The following IKZF1 variants were observed in gnomAD, a reference collection of about 807,000 sequenced individuals.
IKZF1 encodes IKAROS family zinc finger 1.
Under a neutral mutation model 51.7 loss-of-function variants are expected in IKZF1, and 10 were observed. The observed-to-expected ratio is 0.19, with a 90% CI of 0.12 to 0.33. The LOEUF (loss-of-function observed/expected upper bound fraction) is 0.33, where lower values mean the gene tolerates loss of function less well. Ranked by LOEUF, IKZF1 falls within the 10% of genes least tolerant of loss-of-function variation. The probability of loss-of-function intolerance (pLI) is 1.00; values close to 1 mark genes in which losing one functional copy is unlikely to be tolerated. For missense variants in IKZF1, 484 were observed against 707.5 expected (o/e 0.68, Z 3.58); for synonymous variants, 280 against 282.3 (o/e 0.99, Z 0.08).
intron 3 of IKZF1, among the ~76,000 whole-genome samples, chr7:50,348,686 A>G (rs1233100848): frequency 1.3e-5 from 2 of 152,246 alleles, no homozygotes; most frequent in African/African-American, 4.8e-5. Context: ...GAAGATGGAC[A>G]TAGTAAAAAA....
intron 3 of IKZF1, among the ~76,000 whole-genome samples, chr7:50,343,839 GC>G (rs1465216069): frequency 1.3e-5 from 2 of 152,154 alleles, no homozygotes; most frequent in Non-Finnish European, 2.9e-5. Context: ...CCAAGCACTT[GC>G]TTTTGTATAT....
chr7:50,333,783 A>G (rs979630598), intron 3 of IKZF1, among the ~76,000 whole-genome samples: 11 of 152,202 alleles, frequency 7.2e-5, no homozygotes, highest in African/African-American at 2.2e-4. Flanking sequence ...TTCATAGTTG[A>G]ATTATTGTTC....
At chr7:50,320,769 C>T (rs1350933195) in intron 2 of IKZF1, among the ~76,000 whole-genome samples, 1 of 152,152 alleles carries the variant, frequency 6.6e-6, no homozygotes, top group East Asian at 1.9e-4. Flanking sequence ...TTGTGATTAT[C>T]TATATAAACA....
At chr7:50,338,680 G>A (rs1049493195) in intron 3 of IKZF1, among the ~76,000 whole-genome samples, 87 of 152,286 alleles carry the variant, frequency 5.7e-4, no homozygotes, top group African/African-American at 1.9e-3. Flanking sequence ...ACATTGCCCC[G>A]GAAAGTTTCC....
At position 50,400,656 on chromosome 7, in the gene IKZF1, C is replaced by G. The variant is rs917278416; in HGVS notation, c.*29C>G. On this transcript the variant is annotated 3_prime_UTR_variant, in exon 8 of 8. Transcript: ENST00000331340. The surrounding 1 kb of genome is among the most constrained non-coding windows in gnomAD (Gnocchi z 5.4). ...CCTCCCGCGCCCCCACCCCAGACCC[C>G]GAGCCACCCCAGGAAAAGCACAAGG... The G allele has an allele frequency of 3.2e-6, 5 of 1,577,556 alleles. No homozygotes were observed. Among genetic ancestry groups the G allele is most frequent in the Non-Finnish European group, 3.4e-6 (4 of 1,168,298 alleles).
At chr7:50,396,099 C>CTT (rs952880505) in intron 7 of IKZF1, among the ~76,000 whole-genome samples, 1 of 151,850 alleles carries the variant, frequency 6.6e-6, no homozygotes, top group East Asian at 1.9e-4. Context: ...TAGAGAGTCC[C>CTT]TTTTTTTTCT....
rs760724988 is a variant in IKZF1, at chr7:50,391,914, T to G, written c.850+51T>G. 4.0e-5 allele frequency: 62 copies of G among 1,560,832 alleles called. No individual in the cohort carries two copies. The East Asian group carries it at 1.4e-3, about 35-fold the overall frequency. ...TTAAAAAAAAACTATGTGGGTGTTT[T>G]AGATGCAAGTAGAAATGAGTTGAGG... On this transcript the variant is annotated intron_variant, in intron 7 of 7. Transcript: ENST00000331340.
chr7:50,375,386 T>G (rs936595422), intron 3 of IKZF1, among the ~76,000 whole-genome samples: 15 of 152,060 alleles, frequency 9.9e-5, no homozygotes, highest in African/African-American at 3.4e-4. Context: ...AAAAGAAACA[T>G]TTAGTCTTGA....
intron 7 of IKZF1, 43 bp from the exon 8 acceptor site, chr7:50,399,875 C>A: frequency 6.4e-7 from 1 of 1,571,752 alleles, no homozygotes; most frequent in Non-Finnish European, 8.6e-7. Context: ...TGACCGGTTC[C>A]GGAGGTGGCC....
chr7:50,366,645 T>C (rs1388535030), intron 3 of IKZF1, among the ~76,000 whole-genome samples: 1 of 152,246 alleles, frequency 6.6e-6, no homozygotes, highest in Non-Finnish European at 1.5e-5. Context: ...AGTGCTTTGT[T>C]GTTTAGTCAG....
rs1414050519 is a variant in IKZF1, at chr7:50,404,342, C to T, written c.*3715C>T. ...TAAATTATTGCTGTTTAGCTGTGAA[C>T]AAGGGATGTACCACTGGAGGAATAG... is the stretch of plus-strand genomic sequence containing the variant. On this transcript the variant is annotated 3_prime_UTR_variant, in exon 8 of 8. Coordinates refer to ENST00000331340, the MANE Select transcript of IKZF1 (RefSeq NM_006060.6). 8.9e-6 allele frequency: 2 copies of T among 225,072 alleles called. No individual in the cohort carries two copies. Among genetic ancestry groups the T allele is most frequent in the East Asian group, 1.3e-4 (2 of 15,602 alleles). 13.9% of individuals were successfully genotyped at this position (225,072 alleles called of 1,614,324 possible).
intron 3 of IKZF1, among the ~76,000 whole-genome samples, chr7:50,335,238 TGTGTG>T (rs1296931854): frequency 6.8e-6 from 1 of 147,182 alleles, no homozygotes. Flanking sequence ...GTGTGTGAGA[TGTGTG>T]GTGTGTATAT....
chr7:50,397,791 T>C (rs902677614), intron 7 of IKZF1, among the ~76,000 whole-genome samples: 1 of 152,180 alleles, frequency 6.6e-6, no homozygotes, highest in Non-Finnish European at 1.5e-5. Flanking sequence ...ACTTCTTTGG[T>C]CCCTACCATC....
intron 3 of IKZF1, chr7:50,367,672 G>C (rs1184449328): frequency 4.6e-6 from 1 of 215,688 alleles, no homozygotes; most frequent in Non-Finnish European, 9.2e-6. Context: ...GCGAGGAGCC[G>C]AGTGTTTGGA....
rs1818040964 is a variant in IKZF1, at chr7:50,401,111, GC to G, written c.*486del. On this transcript the variant is annotated 3_prime_UTR_variant, in exon 8 of 8. Coordinates refer to ENST00000331340, the MANE Select transcript of IKZF1 (RefSeq NM_006060.6). ...GCAGGTGAGCAGACAGGACAGGTGT[GC>G]CGCCACCCAAGTGCCAAGACACAGC... 1 of 255,088 alleles carries G rather than the reference GC, an allele frequency of 3.9e-6. No homozygotes were observed. Among genetic ancestry groups the G allele is most frequent in the African/African-American group, 2.2e-5 (1 of 45,428 alleles). The allele number at this position is 255,088 out of a possible 1,614,324, so 15.8% of individuals were successfully genotyped here.
intron 3 of IKZF1, among the ~76,000 whole-genome samples, chr7:50,335,298 G>A (rs1797399561): frequency 6.7e-6 from 1 of 148,994 alleles, no homozygotes; most frequent in African/African-American, 2.5e-5. Context: ...TTGTGTATGT[G>A]TATGGGATGT....
At chr7:50,336,005 C>A (rs1797688139) in intron 3 of IKZF1, among the ~76,000 whole-genome samples, 1 of 152,090 alleles carries the variant, frequency 6.6e-6, no homozygotes, top group Non-Finnish European at 1.5e-5. Context: ...CTGTCCAGAG[C>A]AGCTGCACTG....
chr7:50,401,702 G>T lies in IKZF1; in HGVS notation c.*1075G>T. On this transcript the variant is annotated 3_prime_UTR_variant, in exon 8 of 8. Coordinates refer to ENST00000331340, the MANE Select transcript of IKZF1 (RefSeq NM_006060.6). The stretch of plus-strand genomic sequence containing the variant: ...CCACAAGCCTGAATTTCTCAGTGTT[G>T]GTAAGTTTCTTTACCTACCCTCACT... The T allele has an allele frequency of 4.6e-6, 1 of 218,346 alleles. No homozygotes were observed. Among genetic ancestry groups the T allele is most frequent in the East Asian group, 6.7e-5 (1 of 14,990 alleles). The allele number at this position is 218,346 out of a possible 1,614,324, so 13.5% of individuals were successfully genotyped here.
intron 3 of IKZF1, chr7:50,368,172 T>C: frequency 1.4e-6 from 1 of 703,540 alleles, no homozygotes; most frequent in South Asian, 1.5e-5. Context: ...ACATTAAATA[T>C]TCACTGTTCT....
Sources: gnomAD v4.1 joint callset for allele counts (sites outside exome capture counted in the v4.1 genomes callset) on GRCh38, gnomAD v4.1.1 for gene constraint, Gnocchi (gnomAD v3.1) non-coding constraint, MANE v1.5 for transcripts, NCBI Gene and HGNC (gene_info 2026-07-23, HGNC 2026-07-21) for gene names.